Variants in GSG1L observed in about 807,000 individuals in gnomAD.
GSG1L encodes germ cell-specific gene 1-like protein.
A neutral mutation model predicts 42.1 loss-of-function variants in GSG1L; 24 were observed. The ratio of observed to expected loss-of-function variants is 0.57; its 90% confidence interval spans 0.41 to 0.80. The LOEUF is 0.80. GSG1L is among the 30% of genes least tolerant of loss of function. The pLI is 0.00. For synonymous variants in GSG1L, 215 were observed against 203.5 expected (o/e 1.06, Z -0.48); for missense variants, 445 against 472.2 (o/e 0.94, Z 0.53).
intron 5 of GSG1L, among the ~76,000 whole-genome samples, chr16:27,821,787 C>G (rs1414324597): frequency 1.3e-5 from 2 of 151,896 alleles, no homozygotes; most frequent in Admixed American, 1.3e-4. Context: ...ACCTGTAGTC[C>G]CAGTTACTCA....
intron 2 of GSG1L, among the ~76,000 whole-genome samples, chr16:27,945,972 A>G (rs997878823): frequency 1.3e-5 from 2 of 152,216 alleles, no homozygotes; most frequent in African/African-American, 4.8e-5. Flanking sequence ...TGCTCCACGC[A>G]GGCCCTGACA....
intron 4 of GSG1L, among the ~76,000 whole-genome samples, chr16:27,829,682 G>A (rs905629997): frequency 6.6e-6 from 1 of 152,136 alleles, no homozygotes; most frequent in Admixed American, 6.6e-5. Context: ...AAAGTACTGG[G>A]ATTATAGGTA....
intron 2 of GSG1L, among the ~76,000 whole-genome samples, chr16:27,919,577 G>A (rs2084501415): frequency 6.6e-6 from 1 of 152,204 alleles, no homozygotes. Context: ...AAATGCAGCA[G>A]AACATCTAGC....
In GSG1L at chr16:27,790,399, C is replaced by G. The variant is rs1222470019; in HGVS notation, c.*971G>C. 1 of 152,190 alleles carries G rather than the reference C, an allele frequency of 6.6e-6. No individual in the cohort carries two copies. The highest frequency in any genetic ancestry group is 1.5e-5 in the Non-Finnish European group (1 of 68,038). 9.4% of individuals were successfully genotyped at this position (152,190 alleles called of 1,614,324 possible). A position where few individuals can be genotyped will look rare whatever the true frequency, so the allele number is the denominator to read the frequency against. Reference sequence around the variant, plus strand: ...TCAGGAGTCCTGATTCAAACCCCATCTCTGCCATTTGCTAGCTCTGTAATC... The same window carrying G: ...TCAGGAGTCCTGATTCAAACCCCATGTCTGCCATTTGCTAGCTCTGTAATC... On this transcript the variant is annotated 3_prime_UTR_variant, in exon 7 of 7. Coordinates refer to ENST00000447459, the MANE Select transcript of GSG1L (RefSeq NM_001109763.2).
chr16:27,923,571 C>T (rs747616706), intron 2 of GSG1L, among the ~76,000 whole-genome samples: 7 of 151,948 alleles, frequency 4.6e-5, no homozygotes, highest in Non-Finnish European at 8.8e-5. Context: ...ATGGCGAAAC[C>T]CCGTCTCTAC....
chr16:28,055,724 C>T (rs367875835), intron 1 of GSG1L, among the ~76,000 whole-genome samples: 3 of 151,224 alleles, frequency 2.0e-5, no homozygotes, highest in South Asian at 4.2e-4. Flanking sequence ...CCCACCTCGG[C>T]CTCCCAAAGT....
chr16:27,993,301 A>T (rs903508017), intron 1 of GSG1L, among the ~76,000 whole-genome samples: 11 of 152,094 alleles, frequency 7.2e-5, no homozygotes, highest in African/African-American at 1.4e-4. Flanking sequence ...GGCATGCACC[A>T]CCATGCCCAG....
intron 3 of GSG1L, among the ~76,000 whole-genome samples, chr16:27,850,094 T>C (rs905331010): frequency 7.4e-6 from 1 of 134,664 alleles, no homozygotes; most frequent in African/African-American, 2.9e-5. Context: ...AGTGGCATGA[T>C]CTTGGGTCGC....
chr16:27,880,679 A>AG (rs2083941043), intron 3 of GSG1L, among the ~76,000 whole-genome samples: 2 of 151,942 alleles, frequency 1.3e-5, no homozygotes, highest in African/African-American at 4.8e-5. Context: ...AACCCCTTGG[A>AG]GGTAGAGGAG....
At position 27,902,858 on chromosome 16, in the gene GSG1L, T is replaced by C. The variant is rs138662634; in HGVS notation, c.398-18220A>G. On this transcript the variant is annotated intron_variant, in intron 2 of 6. Transcript: ENST00000447459. The stretch of plus-strand genomic sequence containing the variant: ...GGAACAGGACAGGGTACCCAGAGAG[T>C]AGCCAGCAAGTGCCCAGCGGGTACC... Among the ~76,000 whole-genome samples the C allele has an allele frequency of 2.8e-3, 420 of 151,318 alleles. 1 individual carries two copies. The highest frequency in any genetic ancestry group is 9.5e-3 in the African/African-American group (390 of 41,172).
chr16:27,943,171 T>G (rs1256320576), intron 2 of GSG1L, among the ~76,000 whole-genome samples: 2 of 152,028 alleles, frequency 1.3e-5, no homozygotes, highest in Non-Finnish European at 2.9e-5. Context: ...CCTCCTGTCT[T>G]GGCCTCCCAA....
intron 2 of GSG1L, among the ~76,000 whole-genome samples, chr16:27,960,729 C>T (rs1419244050): frequency 2.0e-5 from 3 of 152,152 alleles, no homozygotes; most frequent in African/African-American, 4.8e-5. Flanking sequence ...GGAGGCCACA[C>T]GGGCTGCCTT....
Position 27,807,641 on chromosome 16 carries a change from T to C in GSG1L, c.831-87A>G, listed in dbSNP as rs1597463639. 1.6e-5 allele frequency: 17 copies of C among 1,057,368 alleles called. 1 individual carries two copies. The highest frequency in any genetic ancestry group is 2.0e-5 in the Non-Finnish European group (14 of 716,228). The allele number at this position is 1,057,368 out of a possible 1,614,324, so 65.5% of individuals were successfully genotyped here. On this transcript the variant is annotated intron_variant, in intron 5 of 6. Transcript: ENST00000447459. ...AGACCCAAAACCTGAAAAAGTGCAA[T>C]CTTCCCCCCTCTGGAGAATATTTTG...
intron 6 of GSG1L, among the ~76,000 whole-genome samples, chr16:27,796,947 A>C (rs769942399): frequency 1.3e-5 from 2 of 152,172 alleles, no homozygotes; most frequent in Non-Finnish European, 1.5e-5. Context: ...GGGTGCTCAC[A>C]GGCACACATA....
chr16:27,902,865 C>T (rs2084277363), intron 2 of GSG1L, among the ~76,000 whole-genome samples: 1 of 152,192 alleles, frequency 6.6e-6, no homozygotes, highest in South Asian at 2.1e-4. Flanking sequence ...GAGTAGCCAG[C>T]AAGTGCCCAG....
intron 5 of GSG1L, among the ~76,000 whole-genome samples, chr16:27,811,994 A>T (rs1015271478): frequency 6.6e-6 from 1 of 152,116 alleles, no homozygotes; most frequent in Non-Finnish European, 1.5e-5. Context: ...TCCAGGCCTC[A>T]AGCTGGACAC....
In GSG1L at chr16:28,018,030, C is replaced by T. The variant is rs76539805; in HGVS notation, c.349+45046G>A. Among the ~76,000 whole-genome samples, 66 of 152,226 alleles carry T rather than the reference C, an allele frequency of 4.3e-4. No individual in the cohort carries two copies. In the East Asian group the frequency reaches 6.9e-3, roughly 16 times the overall value. ...ATTCTTTTTTATAAGTGATATATTT[C>T]ACTTTTTTAATTTAGAGATTTAAAA... On this transcript the variant is annotated intron_variant, in intron 1 of 6. Transcript: ENST00000447459.
intron 1 of GSG1L, among the ~76,000 whole-genome samples, chr16:27,985,004 C>T (rs1489715671): frequency 6.6e-6 from 1 of 152,100 alleles, no homozygotes; most frequent in Non-Finnish European, 1.5e-5. Flanking sequence ...GCAGTCTTCC[C>T]GCCCCAGCCT....
rs764299794 is a variant in GSG1L at position 27,792,653 on chromosome 16, C to T, written c.899-1186G>A. ...CAGGGATCTCCCTCATCCCAGAGCA[C>T]CCACCCTCAGCGCACACTCTGCCAG... On this transcript the variant is annotated intron_variant, in intron 6 of 6. Transcript: ENST00000447459. Among the ~76,000 whole-genome samples, 14 of 152,254 alleles carry T rather than the reference C, an allele frequency of 9.2e-5. No individual in the cohort carries two copies. The South Asian group carries it at 1.7e-3, about 18-fold the overall frequency.
Sources: allele counts gnomAD v4.1 joint callset (sites outside exome capture counted in the v4.1 genomes callset), GRCh38; gene constraint gnomAD v4.1.1; transcripts MANE v1.5; gene names NCBI Gene and HGNC (gene_info 2026-07-23, HGNC 2026-07-21).